The following RIN2 variants were observed in gnomAD, a reference collection of about 807,000 sequenced individuals.
RIN2 encodes the protein Ras and Rab interactor 2, also known as RAB5 interacting protein 2.
A neutral mutation model predicts 78.0 loss-of-function variants in RIN2; 36 were observed. That is an observed-to-expected ratio of 0.46 (90% CI 0.35 to 0.61). RIN2 has a LOEUF of 0.61. Among genes scored for constraint, RIN2 ranks in the 20% least tolerant of loss-of-function variants. The pLI is 0.00. For synonymous variants in RIN2, 466 were observed against 466.8 expected (o/e 1.00, Z 0.02); for missense variants, 1,087 against 1,159.7 (o/e 0.94, Z 0.91).
intron 9 of RIN2, among the ~76,000 whole-genome samples, chr20:19,976,189 A>T (rs1328465788): frequency 1.3e-5 from 2 of 152,200 alleles, no homozygotes; most frequent in Non-Finnish European, 2.9e-5. Context: ...TCTTGGTTGC[A>T]AGTAAACTTT....
chr20:19,854,151 T>G (rs1455208052), intron 2 of RIN2, among the ~76,000 whole-genome samples: 24 of 152,184 alleles, frequency 1.6e-4, no homozygotes, highest in Middle Eastern at 6.8e-3. Flanking sequence ...TTTCCCCATT[T>G]CTTGTTTTTG....
At chr20:19,967,969 T>C (rs2041989136) in intron 7 of RIN2, among the ~76,000 whole-genome samples, 1 of 152,180 alleles carries the variant, frequency 6.6e-6, no homozygotes, top group Non-Finnish European at 1.5e-5. Context: ...AATCATTCAA[T>C]CAGTAAATGA....
intron 3 of RIN2, among the ~76,000 whole-genome samples, chr20:19,912,233 T>C (rs1006807230): frequency 2.0e-5 from 3 of 152,196 alleles, no homozygotes; most frequent in East Asian, 1.9e-4. Flanking sequence ...GGCTTTCACA[T>C]AGACACATTT....
At chr20:19,918,609 A>G (rs919664509) in intron 3 of RIN2, among the ~76,000 whole-genome samples, 8 of 152,174 alleles carry the variant, frequency 5.3e-5, no homozygotes, top group African/African-American at 1.9e-4. Context: ...AAACAACTCA[A>G]CTTCAAAAGG....
intron 1 of RIN2, among the ~76,000 whole-genome samples, chr20:19,788,439 A>AAAAAAAAAAAAAAAAAAAAC (rs1555818733): frequency 2.7e-4 from 36 of 133,030 alleles, no homozygotes; most frequent in African/African-American, 1.1e-3. Context: ...TGCCAAAAAA[A>AAAAAAAAAAAAAAAAAAAAC]AAAAAAAAAA....
At chr20:19,811,390 C>T (rs994019943) in intron 2 of RIN2, among the ~76,000 whole-genome samples, 13 of 152,100 alleles carry the variant, frequency 8.5e-5, no homozygotes, top group African/African-American at 2.4e-4. Flanking sequence ...GTGAGGACTG[C>T]TCCAAAAGGC....
At chr20:19,844,601 CTCT>C (rs1181481041) in intron 2 of RIN2, among the ~76,000 whole-genome samples, 7,602 of 122,992 alleles carry the variant, frequency 0.062, 476 homozygotes, top group South Asian at 0.089. Context: ...CTGCTTCTTC[CTCT>C]TCTTCTTCTT....
chr20:19,873,815 T>A (rs2037768813), intron 2 of RIN2, among the ~76,000 whole-genome samples: 1 of 152,198 alleles, frequency 6.6e-6, no homozygotes, highest in Admixed American at 6.5e-5. Context: ...ATACAGTTGA[T>A]CCTCATTATT....
At chr20:19,831,982 A>C (rs973862983) in intron 2 of RIN2, among the ~76,000 whole-genome samples, 34 of 152,246 alleles carry the variant, frequency 2.2e-4, no homozygotes, top group Admixed American at 6.5e-4. Context: ...TTATAATAAT[A>C]ATGATAGCAG....
chr20:19,823,360 T>C, intron 2 of RIN2: 1 of 608,512 alleles, frequency 1.6e-6, no homozygotes. Context: ...AGCAAGTGAG[T>C]GAATGGTGGT....
intron 11 of RIN2, among the ~76,000 whole-genome samples, chr20:19,992,963 G>A (rs2042842154): frequency 6.6e-6 from 1 of 151,954 alleles, no homozygotes; most frequent in Non-Finnish European, 1.5e-5. Context: ...ACAGGGGTGT[G>A]GAATCTGTGC....
intron 2 of RIN2, among the ~76,000 whole-genome samples, chr20:19,882,479 A>G (rs1332622631): frequency 6.6e-6 from 1 of 152,198 alleles, no homozygotes; most frequent in Non-Finnish European, 1.5e-5. Flanking sequence ...AAAAATAATC[A>G]CCTACATAGA....
chr20:19,833,283 T>TATATATATA (rs1568794573), intron 2 of RIN2, among the ~76,000 whole-genome samples: 56 of 151,030 alleles, frequency 3.7e-4, no homozygotes, highest in African/African-American at 1.4e-3. Flanking sequence ...TAGATATAGG[T>TATATATATA]TATATATATA....
chr20:19,795,435 A>C (rs1431002070), intron 1 of RIN2, among the ~76,000 whole-genome samples: 1 of 152,138 alleles, frequency 6.6e-6, no homozygotes, highest in African/African-American at 2.4e-5. Flanking sequence ...TTGCCTGGTG[A>C]GTTTTTTTTC....
chr20:19,863,891 G>A (rs1381222999), intron 2 of RIN2, among the ~76,000 whole-genome samples: 1 of 151,762 alleles, frequency 6.6e-6, no homozygotes, highest in Non-Finnish European at 1.5e-5. Context: ...CACTGCTCTG[G>A]GAAACCCCAT....
At chr20:19,934,553 C>G (rs1187231399) in intron 3 of RIN2, 2 of 984,896 alleles carry the variant, frequency 2.0e-6, no homozygotes, top group African/African-American at 3.5e-5. Flanking sequence ...CTTTCCCCAA[C>G]AATCTTCTCT....
intron 1 of RIN2, among the ~76,000 whole-genome samples, chr20:19,777,478 A>G (rs1048892065): frequency 1.1e-4 from 16 of 152,236 alleles, no homozygotes; most frequent in African/African-American, 3.9e-4. Flanking sequence ...TCCAGTTACT[A>G]TAAAACTGAC....
At chr20:19,824,004 T>C (rs2036007793) in intron 2 of RIN2, 2 of 1,051,142 alleles carry the variant, frequency 1.9e-6, no homozygotes, top group African/African-American at 1.6e-5. Context: ...AGTTGCACCT[T>C]GGCCTCCTCC....
chr20:19,810,508 G>A (rs930556852), intron 2 of RIN2, among the ~76,000 whole-genome samples: 6 of 152,152 alleles, frequency 3.9e-5, no homozygotes, highest in African/African-American at 1.2e-4. Context: ...AGCACCTACC[G>A]ATTTGATTCT....
Sources: allele counts gnomAD v4.1 joint callset (sites outside exome capture counted in the v4.1 genomes callset), GRCh38; gene constraint gnomAD v4.1.1; transcripts MANE v1.5; gene names NCBI Gene and HGNC (gene_info 2026-07-23, HGNC 2026-07-21).